Variants in ANO4 observed in about 807,000 individuals in gnomAD.
The protein encoded by ANO4 is anoctamin-4.
ANO4 carries 69 observed loss-of-function variants against 141.9 expected under a neutral mutation model. The ratio of observed to expected loss-of-function variants is 0.49; its 90% CI spans 0.40 to 0.59. The LOEUF (loss-of-function observed/expected upper bound fraction) is 0.59. Ranked by LOEUF, ANO4 falls within the 20% of genes least tolerant of loss-of-function variation. The pLI, the probability that ANO4 is intolerant of heterozygous loss-of-function variation, is 0.00. For missense variants in ANO4, 894 were observed against 1,162.2 expected, an observed-to-expected ratio of 0.77 and a Z score of 3.36; for synonymous variants, 350 against 394.3, an observed-to-expected ratio of 0.89 and a Z score of 1.33.
At chr12:100,751,360 T>G (rs1413099182) in intron 3 of ANO4, among the ~76,000 whole-genome samples, 2 of 152,122 alleles carry the variant, frequency 1.3e-5, no homozygotes, top group Non-Finnish European at 2.9e-5. Context: ...GCCCAGAATC[T>G]GAGCAGGTTT....
At chr12:100,778,121 G>A (rs895076244) in intron 3 of ANO4, among the ~76,000 whole-genome samples, 5 of 152,018 alleles carry the variant, frequency 3.3e-5, no homozygotes, top group South Asian at 2.1e-4. Context: ...GGGTTTCACC[G>A]TATTAGCCAG....
chr12:100,806,524 G>A (rs201475026), intron 1 of ANO4, among the ~76,000 whole-genome samples: 27 of 59,878 alleles, frequency 4.5e-4, no homozygotes, highest in African/African-American at 1.5e-3. Flanking sequence ...TTTTTGTTTC[G>A]TTTTTTTTTT....
chr12:101,037,215 G>A (rs781637095), intron 10 of ANO4, 65 bp downstream of exon 10: 65 of 1,513,758 alleles, frequency 4.3e-5, no homozygotes, highest in Non-Finnish European at 5.4e-5. Flanking sequence ...AGCTTCTAGA[G>A]ATAGTCAATA....
intron 3 of ANO4, among the ~76,000 whole-genome samples, chr12:100,756,949 T>C (rs190712002): frequency 1.4e-3 from 209 of 152,306 alleles, no homozygotes; most frequent in Non-Finnish European, 2.1e-3. Context: ...TTCTCTGACT[T>C]CCTTCTAGAC....
intron 8 of ANO4, among the ~76,000 whole-genome samples, chr12:100,989,702 C>T (rs1406269453): frequency 3.5e-5 from 4 of 114,984 alleles, no homozygotes; most frequent in African/African-American, 1.4e-4. Flanking sequence ...TGAGTGGATA[C>T]ATGGATACAT....
At chr12:101,069,575 A>G (rs931987855) in intron 14 of ANO4, among the ~76,000 whole-genome samples, 4 of 152,202 alleles carry the variant, frequency 2.6e-5, no homozygotes, top group Non-Finnish European at 4.4e-5. Flanking sequence ...CCCATGTCCT[A>G]CAAACCCATG....
chr12:100,738,537 A>G (rs373895808), intron 2 of ANO4, among the ~76,000 whole-genome samples: 10 of 152,204 alleles, frequency 6.6e-5, no homozygotes, highest in East Asian at 5.8e-4. Context: ...AATATATGCT[A>G]TAAATTAGCT....
chr12:100,808,220 A>C (rs1291066271), intron 1 of ANO4, among the ~76,000 whole-genome samples: 1 of 152,136 alleles, frequency 6.6e-6, no homozygotes, highest in Non-Finnish European at 1.5e-5. Context: ...CAACCTCACC[A>C]GTATCCTTTA....
At chr12:100,965,733 C>T (rs1037160318) in intron 5 of ANO4, among the ~76,000 whole-genome samples, 11 of 151,960 alleles carry the variant, frequency 7.2e-5, no homozygotes, top group African/African-American at 2.2e-4. Context: ...TGCCTAACAC[C>T]GTCTCATCTT....
At chr12:101,023,953 C>T (rs756061595) in intron 9 of ANO4, among the ~76,000 whole-genome samples, 4 of 152,172 alleles carry the variant, frequency 2.6e-5, no homozygotes, top group African/African-American at 4.8e-5. Flanking sequence ...TGGCATCTTG[C>T]ATGAGCCAAC....
chr12:101,078,361 GTGC>G (rs2049109613), intron 14 of ANO4, among the ~76,000 whole-genome samples: 2 of 151,950 alleles, frequency 1.3e-5, no homozygotes, highest in East Asian at 3.9e-4. Context: ...GTGTGTGTGT[GTGC>G]CCCTGTATTT....
chr12:101,098,816 A>C (rs1224204349), intron 21 of ANO4, among the ~76,000 whole-genome samples: 2 of 152,204 alleles, frequency 1.3e-5, no homozygotes, highest in Non-Finnish European at 2.9e-5. Flanking sequence ...AAAATTGTAA[A>C]GTAGGCAGTT....
chr12:100,801,651 A>T (rs1415045547), intron 1 of ANO4, among the ~76,000 whole-genome samples: 1 of 149,022 alleles, frequency 6.7e-6, no homozygotes, highest in African/African-American at 2.4e-5. Flanking sequence ...GGCAGGGGGT[A>T]GAAAGGGCAT....
chr12:100,822,761 G>A (rs972353387), intron 1 of ANO4, among the ~76,000 whole-genome samples: 1 of 151,980 alleles, frequency 6.6e-6, no homozygotes, highest in Non-Finnish European at 1.5e-5. Context: ...TCTTCCAGTA[G>A]GAATCAATAA....
intron 14 of ANO4, among the ~76,000 whole-genome samples, chr12:101,070,930 T>C (rs2048782994): frequency 6.6e-6 from 1 of 152,192 alleles, no homozygotes; most frequent in African/African-American, 2.4e-5. Flanking sequence ...GCTAATATCA[T>C]TGCTCATCAT....
At chr12:101,048,318 G>C (rs1189388375) in intron 13 of ANO4, 23 bp from the exon 14 acceptor site, 1 of 1,611,138 alleles carries the variant, frequency 6.2e-7, no homozygotes, top group East Asian at 2.2e-5. Context: ...AATTAACTCA[G>C]CACCGATTCT....
At chr12:100,746,043 A>G (rs748690787) in intron 3 of ANO4, among the ~76,000 whole-genome samples, 1 of 152,244 alleles carries the variant, frequency 6.6e-6, no homozygotes, top group Non-Finnish European at 1.5e-5. Context: ...AATTCCAGAT[A>G]CAGCTAAGTG....
intron 3 of ANO4, among the ~76,000 whole-genome samples, chr12:100,766,776 G>T (rs1203924602): frequency 6.6e-6 from 1 of 152,026 alleles, no homozygotes; most frequent in African/African-American, 2.4e-5. Flanking sequence ...TTGATTTTCT[G>T]GCAGAATAAA....
intron 1 of ANO4, among the ~76,000 whole-genome samples, chr12:100,829,665 C>T (rs188299307): frequency 8.5e-5 from 13 of 152,100 alleles, no homozygotes; most frequent in Admixed American, 3.3e-4. Context: ...GAAATCAGTA[C>T]AAGGTAATCC....
Sources: gnomAD v4.1 joint callset for allele counts (sites outside exome capture counted in the v4.1 genomes callset) on GRCh38, gnomAD v4.1.1 for gene constraint, MANE v1.5 for transcripts, NCBI Gene and HGNC (gene_info 2026-07-23, HGNC 2026-07-21) for gene names.